TRIM29: variants seen among roughly 807,000 people sequenced by gnomAD.
The protein encoded by TRIM29 is tripartite motif-containing protein 29.
Under a neutral mutation model 57.3 loss-of-function variants are expected in TRIM29, and 52 were observed. That is an observed-to-expected ratio of 0.91 (90% confidence interval 0.73 to 1.14). The LOEUF (loss-of-function observed/expected upper bound fraction) is 1.14, where lower values mean the gene tolerates loss of function less well. TRIM29 is among the 50% of genes most tolerant of loss of function. The pLI is 0.00. For missense variants in TRIM29, 753 were observed against 774.6 expected (o/e 0.97, Z 0.33); for synonymous variants, 319 against 316.9 (o/e 1.01, Z -0.07).
chr11:120,125,923 G>T (rs1863580186), intron 3 of TRIM29, 34 bp from the exon 4 acceptor site: 7 of 1,601,086 alleles, frequency 4.4e-6, no homozygotes, highest in African/African-American at 4.0e-5. Context: ...TAACTGCCTG[G>T]GTCTTCATGA....
chr11:120,118,106 C>T (rs1565313197), intron 7 of TRIM29, 117 bp downstream of exon 7: 1 of 960,556 alleles, frequency 1.0e-6, no homozygotes, highest in Non-Finnish European at 1.6e-6. Flanking sequence ...TCAGGCCAGG[C>T]CTCTCTCCTC....
intron 1 of TRIM29, among the ~76,000 whole-genome samples, chr11:120,130,882 T>C (rs964540756): frequency 6.6e-6 from 1 of 152,108 alleles, no homozygotes; most frequent in Non-Finnish European, 1.5e-5. Context: ...TGTTCAGTGG[T>C]GAGGATAGTG....
In TRIM29 at chr11:120,127,356, C is replaced by A. The variant is rs772943766; in HGVS notation, c.1114G>T (p.Asp372Tyr). The change falls in exon 3 of 9, where the codon GAC (aspartate) becomes TAC (tyrosine). Residue 372 changes from aspartate (D) to tyrosine (Y), a missense_variant. Coordinates refer to ENST00000341846, the MANE Select transcript of TRIM29 (RefSeq NM_012101.4). ...QTREQLHSIS[D>Y]SVLFLQEFGA... ...GTTACCTGCAGAAACAACACAGAGT[C>A]GCTGATGCTATGCAGCTGCTCCCGG... 10 of 1,613,918 alleles carry A rather than the reference C, an allele frequency of 6.2e-6. No homozygotes were observed. In the African/African-American group the frequency reaches 1.3e-4, roughly 22 times the overall value.
rs533478417 is a variant in TRIM29 at position 120,112,426 on chromosome 11, G to C, written c.1755C>G (p.Asn585Lys). The C allele has an allele frequency of 1.2e-6, 2 of 1,613,568 alleles. No individual in the cohort carries two copies. The highest frequency in any genetic ancestry group is 1.7e-6 in the Non-Finnish European group (2 of 1,179,772). ...YVNKGNGIGS[N>K]EAP ...TTCCGCCAGGAGCTCATGGGGCTTC[G>C]TTGGACCCAATCCCGTTGCCTTTGT... Residue 585 changes from asparagine to lysine, a missense_variant, in exon 9 of 9, where the codon AAC becomes AAG. Transcript: ENST00000341846.
At chr11:120,119,638 T>G (rs1242188774) in intron 6 of TRIM29, among the ~76,000 whole-genome samples, 1 of 152,170 alleles carries the variant, frequency 6.6e-6, no homozygotes, top group African/African-American at 2.4e-5. Context: ...CTACTGCATA[T>G]GTGGAGGAGG....
rs189447685 is a variant in TRIM29 at position 120,117,802 on chromosome 11, C to A, written c.1627+421G>T. On this transcript the variant is annotated intron_variant, in intron 7 of 8. Transcript: ENST00000341846. Reference sequence around the variant, plus strand: ...CCTGCCTTTCCCAAAGGGGCGCCTGCAGGATTGGATCTGCAGGATGCTGGC... The same window carrying A: ...CCTGCCTTTCCCAAAGGGGCGCCTGAAGGATTGGATCTGCAGGATGCTGGC... 535 of 199,520 alleles carry A rather than the reference C, an allele frequency of 2.7e-3. 6 individuals carry two copies. Among genetic ancestry groups the A allele is most frequent in the African/African-American group, 0.011 (453 of 42,074 alleles). The allele number at this position is 199,520 out of a possible 1,614,324, so 12.4% of individuals were successfully genotyped here.
intron 7 of TRIM29, chr11:120,117,812 T>A (rs1176862246): frequency 4.7e-6 from 1 of 214,226 alleles, no homozygotes; most frequent in Middle Eastern, 1.9e-3. Context: ...CAGGATTGGA[T>A]CTGCAGGATG....
intron 7 of TRIM29, 36 bp downstream of exon 7, chr11:120,118,187 G>T: frequency 6.3e-7 from 1 of 1,580,692 alleles, no homozygotes; most frequent in Non-Finnish European, 8.7e-7. Context: ...TGAGGCAGCT[G>T]TGGAGGAAAG....
chr11:120,127,133 G>C (rs1318026787), intron 3 of TRIM29, among the ~76,000 whole-genome samples: 2 of 152,186 alleles, frequency 1.3e-5, no homozygotes, highest in Non-Finnish European at 2.9e-5. Flanking sequence ...GTAAAGAAAT[G>C]GATTGGATTT....
At chr11:120,129,816 C>T (rs1407889542) in intron 1 of TRIM29, among the ~76,000 whole-genome samples, 1 of 152,118 alleles carries the variant, frequency 6.6e-6, no homozygotes, top group Non-Finnish European at 1.5e-5. Flanking sequence ...TCCCTGGCCT[C>T]CCCGCCCCCA....
chr11:120,122,239 C>T (rs1863473663), intron 5 of TRIM29, among the ~76,000 whole-genome samples: 1 of 152,038 alleles, frequency 6.6e-6, no homozygotes, highest in South Asian at 2.1e-4. Context: ...CCCAGGCCTC[C>T]CTCCTCCCCC....
chr11:120,137,748 C>T lies in TRIM29; in HGVS notation c.284G>A (p.Ser95Asn), dbSNP rs1233961458. The change falls in exon 1 of 9, where the codon AGC (serine) becomes AAC (asparagine). Residue 95 changes from serine to asparagine, a missense_variant. Physicochemically the swap from Ser to Asn is conservative, Grantham distance 46 (BLOSUM62 1). Coordinates refer to ENST00000341846, the MANE Select transcript of TRIM29 (RefSeq NM_012101.4). This position sits in a 1 kb window ranked among gnomAD's most constrained non-coding sequence, Gnocchi z 6.2. ...CCTCTTGCCTTCCATAGAGTCCATG[C>T]TGAAGTAGTTGGAGTTCTTGTCGTC... ...SGDDKNSNYFSMDSMEGKRSP... is the reference protein window; with the variant it reads ...SGDDKNSNYFNMDSMEGKRSP... The T allele has an allele frequency of 1.9e-6, 3 of 1,612,542 alleles. No individual in the cohort carries two copies. Among genetic ancestry groups the T allele is most frequent in the Non-Finnish European group, 2.5e-6 (3 of 1,180,026 alleles).
Position 120,137,863 on chromosome 11 carries a change from CCAGGCTCTTGCCCT to C in TRIM29, c.155_168del (p.Glu52GlyfsTer10). 1 of 1,611,820 alleles carries C rather than the reference CCAGGCTCTTGCCCT, an allele frequency of 6.2e-7. No homozygotes were observed. Among genetic ancestry groups the C allele is most frequent in the Non-Finnish European group, 8.5e-7 (1 of 1,180,010 alleles). On this transcript the variant is annotated frameshift_variant, in exon 1 of 9. Coordinates refer to ENST00000341846, the MANE Select transcript of TRIM29 (RefSeq NM_012101.4). LOFTEE classifies it high-confidence loss of function. The surrounding 1 kb of genome is among the most constrained non-coding windows in gnomAD (Gnocchi z 6.2). The stretch of plus-strand genomic sequence containing the variant: ...CCTTCCCCTGGCTTCAGGGCGCTGC[CCAGGCTCTTGCCCT>C]CAGCTGCCTCCCCGCCGTGCCCGTT...
intron 8 of TRIM29, among the ~76,000 whole-genome samples, chr11:120,113,929 C>G (rs1863201658): frequency 6.6e-6 from 1 of 152,174 alleles, no homozygotes; most frequent in Non-Finnish European, 1.5e-5. Context: ...CTTCACCCTC[C>G]CATCCCCTCC....
Position 120,111,683 on chromosome 11 carries a change from A to C in TRIM29, c.*731T>G, listed in dbSNP as rs1463129552. The C allele has an allele frequency of 6.6e-6, 1 of 152,250 alleles. No homozygotes were observed. The highest frequency in any genetic ancestry group is 1.9e-4 in the East Asian group (1 of 5,200). The allele number at this position is 152,250 out of a possible 1,614,324, so 9.4% of individuals were successfully genotyped here. A position where few individuals can be genotyped will look rare whatever the true frequency, so the allele number is the denominator to read the frequency against. On this transcript the variant is annotated 3_prime_UTR_variant, in exon 9 of 9. Coordinates refer to ENST00000341846, the MANE Select transcript of TRIM29 (RefSeq NM_012101.4). ...GGGTGGATTATATCATGTTAAGGGA[A>C]TTCTTTATCTCAGCAGAGGGAACAG...
chr11:120,125,674 C>T lies in TRIM29; in HGVS notation c.1333+17G>A. On this transcript the variant is annotated intron_variant, in intron 4 of 8. Transcript: ENST00000341846. ...AAGGTCTATGGCCTTGGGGCCCAGC[C>T]ACGAGAGGGGACCTACCGTTCTCCA... 1 of 1,613,898 alleles carries T rather than the reference C, an allele frequency of 6.2e-7. No homozygotes were observed. Among genetic ancestry groups the T allele is most frequent in the South Asian group, 1.1e-5 (1 of 91,054 alleles).
intron 8 of TRIM29, chr11:120,113,439 G>A: frequency 3.2e-6 from 1 of 315,252 alleles, no homozygotes; most frequent in Non-Finnish European, 6.4e-6. Flanking sequence ...GGGGTCTCAG[G>A]AAGAGGATTT....
Position 120,115,325 on chromosome 11 carries a change from G to A in TRIM29, c.1704+13C>T. 6.2e-7 allele frequency: 1 copy of A among 1,612,124 alleles called. No homozygotes were observed. Among genetic ancestry groups the A allele is most frequent in the Non-Finnish European group, 8.5e-7 (1 of 1,179,300 alleles). ...TGGATGTGCCCAGGCCCTCCCGGCA[G>A]CACTTCCCTTACCAGCATAGTCTGC... On this transcript the variant is annotated intron_variant, in intron 8 of 8. Coordinates refer to ENST00000341846, the MANE Select transcript of TRIM29 (RefSeq NM_012101.4).
At position 120,111,731 on chromosome 11, in the gene TRIM29, TC is replaced by T. The variant is rs1326902531; in HGVS notation, c.*682del. 2.6e-5 allele frequency: 4 copies of T among 152,392 alleles called. No individual in the cohort carries two copies. Among genetic ancestry groups the T allele is most frequent in the African/African-American group, 9.6e-5 (4 of 41,460 alleles). The allele number at this position is 152,392 out of a possible 1,614,324, so 9.4% of individuals were successfully genotyped here. A position where few individuals can be genotyped will look rare whatever the true frequency, so the allele number is the denominator to read the frequency against. On this transcript the variant is annotated 3_prime_UTR_variant, in exon 9 of 9. Coordinates refer to ENST00000341846, the MANE Select transcript of TRIM29 (RefSeq NM_012101.4). The stretch of plus-strand genomic sequence containing the variant: ...CAGAGGAATATCTTGGCTAAGGTCA[TC>T]CTGCCAGTCAGGAGAAGCCACCCTC...
Sources: gnomAD v4.1 joint callset for allele counts (sites outside exome capture counted in the v4.1 genomes callset) on GRCh38, gnomAD v4.1.1 for gene constraint, Gnocchi (gnomAD v3.1) non-coding constraint, MANE v1.5 for transcripts, NCBI Gene and HGNC (gene_info 2026-07-23, HGNC 2026-07-21) for gene names.